The following SLC35F3 variants were observed in gnomAD, a reference collection of about 807,000 sequenced individuals.
The protein encoded by SLC35F3 is solute carrier family 35 member F3.
In SLC35F3, 25 loss-of-function variants were observed where a neutral mutation model predicts 49.9. That is an observed-to-expected ratio of 0.50 (90% CI 0.37 to 0.70). The LOEUF is 0.70. SLC35F3 is among the 30% of genes least tolerant of loss of function. The pLI is 0.00. For missense variants in SLC35F3, 525 were observed against 639.8 expected (o/e 0.82, Z 1.94); for synonymous variants, 275 against 265.4 (o/e 1.04, Z -0.35).
chr1:234,019,334 G>C (rs572220942), intron 2 of SLC35F3, among the ~76,000 whole-genome samples: 2 of 151,864 alleles, frequency 1.3e-5, no homozygotes, highest in East Asian at 1.9e-4. Flanking sequence ...AAACCAACAG[G>C]GTGTGTATGT....
At chr1:234,139,776 C>T (rs1373302630) in intron 2 of SLC35F3, among the ~76,000 whole-genome samples, 3 of 151,222 alleles carry the variant, frequency 2.0e-5, no homozygotes, top group African/African-American at 4.9e-5. Flanking sequence ...GGTGAAACCC[C>T]GTCTCTACTA....
intron 3 of SLC35F3, among the ~76,000 whole-genome samples, chr1:234,286,195 T>A (rs1284781537): frequency 6.6e-6 from 1 of 152,204 alleles, no homozygotes; most frequent in Non-Finnish European, 1.5e-5. Flanking sequence ...AAAATTAACT[T>A]TCTCAAGATC....
chr1:233,997,328 A>G (rs4442428), intron 2 of SLC35F3, among the ~76,000 whole-genome samples: 42,724 of 151,884 alleles, frequency 0.28, 6,273 homozygotes, highest in East Asian at 0.49. Flanking sequence ...GTATCTCCAT[A>G]CTGTTCTCCA....
At chr1:234,240,246 G>A (rs1379156839) in intron 3 of SLC35F3, among the ~76,000 whole-genome samples, 2 of 152,124 alleles carry the variant, frequency 1.3e-5, no homozygotes, top group Admixed American at 6.5e-5. Flanking sequence ...GAGTCGGGCG[G>A]ATCACTTGAG....
At chr1:234,224,099 C>G (rs543668290) in intron 2 of SLC35F3, among the ~76,000 whole-genome samples, 7 of 152,284 alleles carry the variant, frequency 4.6e-5, no homozygotes, top group African/African-American at 1.7e-4. Context: ...GGGTCTCACT[C>G]CTATGCCCAG....
intron 3 of SLC35F3, among the ~76,000 whole-genome samples, chr1:234,246,158 G>A (rs1247615970): frequency 1.3e-5 from 2 of 152,194 alleles, no homozygotes; most frequent in Non-Finnish European, 2.9e-5. Context: ...ATGTGTTACT[G>A]GGCTAGGAAA....
intron 2 of SLC35F3, among the ~76,000 whole-genome samples, chr1:234,216,405 C>T (rs1667122361): frequency 1.3e-5 from 2 of 152,288 alleles, no homozygotes; most frequent in Middle Eastern, 6.8e-3. Flanking sequence ...GCTGTGGCCT[C>T]AGAGGTGCTG....
chr1:234,293,750 A>G (rs1411918404), intron 3 of SLC35F3, among the ~76,000 whole-genome samples: 1 of 152,228 alleles, frequency 6.6e-6, no homozygotes, highest in Non-Finnish European at 1.5e-5. Flanking sequence ...AAGCTTTCCA[A>G]TTAATAGAAA....
At chr1:233,967,433 A>G (rs1278995388) in intron 2 of SLC35F3, among the ~76,000 whole-genome samples, 1 of 152,258 alleles carries the variant, frequency 6.6e-6, no homozygotes, top group Non-Finnish European at 1.5e-5. Context: ...TATGATGAAT[A>G]TAAACAATTG....
intron 3 of SLC35F3, among the ~76,000 whole-genome samples, chr1:234,276,724 G>A (rs566711886): frequency 1.3e-5 from 2 of 152,308 alleles, no homozygotes; most frequent in African/African-American, 4.8e-5. Flanking sequence ...GGCAGGTCAC[G>A]TTCTATGCCT....
chr1:234,196,727 G>T (rs1227482700), intron 2 of SLC35F3, among the ~76,000 whole-genome samples: 1 of 152,220 alleles, frequency 6.6e-6, no homozygotes, highest in Non-Finnish European at 1.5e-5. Context: ...ATCACCTGAG[G>T]TTAGGAGTTC....
chr1:234,125,033 A>C (rs553425417), intron 2 of SLC35F3, among the ~76,000 whole-genome samples: 1 of 152,174 alleles, frequency 6.6e-6, no homozygotes, highest in Non-Finnish European at 1.5e-5. Context: ...GATTCTAGGC[A>C]TTGTGTTTTA....
intron 2 of SLC35F3, among the ~76,000 whole-genome samples, chr1:233,915,250 A>G (rs1661948730): frequency 6.6e-6 from 1 of 152,242 alleles, no homozygotes; most frequent in African/African-American, 2.4e-5. Flanking sequence ...ATGTACTGTT[A>G]TAAAAATTCA....
chr1:234,030,032 A>G (rs1455608603), intron 2 of SLC35F3, among the ~76,000 whole-genome samples: 1 of 152,242 alleles, frequency 6.6e-6, no homozygotes, highest in African/African-American at 2.4e-5. Context: ...TGTTCAAATT[A>G]TATTCAATCA....
At chr1:234,296,971 T>TA (rs1306081229) in intron 3 of SLC35F3, among the ~76,000 whole-genome samples, 2 of 152,006 alleles carry the variant, frequency 1.3e-5, no homozygotes, top group African/African-American at 2.4e-5. Flanking sequence ...CACAGACAAT[T>TA]AAAAAAAACA....
At chr1:234,253,710 G>T (rs1278755510) in intron 3 of SLC35F3, among the ~76,000 whole-genome samples, 1 of 152,164 alleles carries the variant, frequency 6.6e-6, no homozygotes, top group African/African-American at 2.4e-5. Context: ...GTTCTCTGAT[G>T]AGCTCAGTTT....
At chr1:234,019,080 A>G (rs1205019971) in intron 2 of SLC35F3, among the ~76,000 whole-genome samples, 1 of 152,260 alleles carries the variant, frequency 6.6e-6, no homozygotes, top group Non-Finnish European at 1.5e-5. Context: ...TGCCCAGCAC[A>G]TGTCTGCCAG....
intron 2 of SLC35F3, among the ~76,000 whole-genome samples, chr1:233,949,391 G>A (rs376893653): frequency 1.3e-5 from 2 of 152,162 alleles, no homozygotes; most frequent in African/African-American, 4.8e-5. Context: ...TGATGTTCAC[G>A]GATAGTATTC....
At chr1:234,199,995 T>C (rs78335737) in intron 2 of SLC35F3, among the ~76,000 whole-genome samples, 1,623 of 152,298 alleles carry the variant, frequency 0.011, 31 homozygotes, top group African/African-American at 0.037. Context: ...AGCACACGTT[T>C]GGTGAAGGTG....
Sources: gnomAD v4.1 joint callset for allele counts (sites outside exome capture counted in the v4.1 genomes callset) on GRCh38, gnomAD v4.1.1 for gene constraint, MANE v1.5 for transcripts, NCBI Gene and HGNC (gene_info 2026-07-23, HGNC 2026-07-21) for gene names.